DLG2: variants seen among roughly 807,000 people sequenced by gnomAD.
DLG2 encodes disks large homolog 2.
Under a neutral mutation model 132.5 loss-of-function variants are expected in DLG2, and 45 were observed. That is an observed-to-expected ratio of 0.34 (90% CI 0.27 to 0.44). DLG2 has a LOEUF of 0.44. Ranked by LOEUF, DLG2 falls within the 20% of genes least tolerant of loss-of-function variation. The probability of loss-of-function intolerance (pLI) is 1.00; values close to 1 mark genes in which losing one functional copy is unlikely to be tolerated. For synonymous variants in DLG2, 424 were observed against 419.6 expected (o/e 1.01, Z -0.13); for missense variants, 1,045 against 1,196.9 (o/e 0.87, Z 1.87).
intron 19 of DLG2, among the ~76,000 whole-genome samples, chr11:83,544,241 T>C (rs116983205): frequency 0.046 from 7,003 of 152,276 alleles, 174 homozygotes; most frequent in Middle Eastern, 0.071. Context: ...CATATCTTTT[T>C]GTGGTAATAA....
chr11:84,348,449 T>C (rs1255376584), intron 7 of DLG2, among the ~76,000 whole-genome samples: 2 of 152,198 alleles, frequency 1.3e-5, no homozygotes, highest in Non-Finnish European at 2.9e-5. Flanking sequence ...GGGATGTTTA[T>C]AGGTATGCTA....
intron 6 of DLG2, among the ~76,000 whole-genome samples, chr11:84,919,359 C>A (rs949902571): frequency 6.6e-6 from 1 of 152,124 alleles, no homozygotes; most frequent in Non-Finnish European, 1.5e-5. Context: ...CAAAGTAGTT[C>A]TTTTGAAATC....
chr11:84,769,106 C>T (rs940116798), intron 6 of DLG2, among the ~76,000 whole-genome samples: 3 of 152,188 alleles, frequency 2.0e-5, no homozygotes, highest in South Asian at 2.1e-4. Context: ...CACCACCAAA[C>T]GCTCCTATTA....
At chr11:85,604,794 T>C (rs1188406357) in intron 2 of DLG2, among the ~76,000 whole-genome samples, 1 of 152,224 alleles carries the variant, frequency 6.6e-6, no homozygotes, top group Non-Finnish European at 1.5e-5. Context: ...ATGTGTCTGT[T>C]AATTAAGGTT....
intron 6 of DLG2, among the ~76,000 whole-genome samples, chr11:84,703,938 G>A (rs2059512358): frequency 6.9e-6 from 1 of 144,658 alleles, no homozygotes; most frequent in East Asian, 2.0e-4. Context: ...GTATTTTAGG[G>A]TAATACATTC....
At chr11:85,209,088 T>C (rs929513902) in intron 4 of DLG2, among the ~76,000 whole-genome samples, 1 of 152,140 alleles carries the variant, frequency 6.6e-6, no homozygotes, top group Non-Finnish European at 1.5e-5. Flanking sequence ...TAGTCCTAAA[T>C]CTGCCACTAA....
Position 85,005,773 on chromosome 11 carries a change from A to G in DLG2, c.357+105888T>C, listed in dbSNP as rs575170018. ...AACTTCCAATACTATGTTGAATAGG[A>G]GTGGTGAGAGTGGGCATTCCTTGTC... On this transcript the variant is annotated intron_variant, in intron 6 of 27. Coordinates refer to ENST00000376104, the MANE Select transcript of DLG2 (RefSeq NM_001142699.3). Among the ~76,000 whole-genome samples, 6 of 152,220 alleles carry G rather than the reference A, an allele frequency of 3.9e-5. No homozygotes were observed. In the East Asian group the frequency reaches 1.2e-3, roughly 29 times the overall value.
chr11:85,059,594 G>T (rs987391649), intron 6 of DLG2, among the ~76,000 whole-genome samples: 99 of 151,764 alleles, frequency 6.5e-4, no homozygotes, highest in African/African-American at 2.2e-3. Flanking sequence ...TGCAATAACA[G>T]TTTCCAAAAG....
At chr11:84,035,715 C>G (rs1159157651) in intron 11 of DLG2, among the ~76,000 whole-genome samples, 1 of 151,894 alleles carries the variant, frequency 6.6e-6, no homozygotes, top group South Asian at 2.1e-4. Flanking sequence ...AAATATTACT[C>G]AAGCTGTTGT....
intron 3 of DLG2, among the ~76,000 whole-genome samples, chr11:85,444,043 T>C (rs1260640427): frequency 1.2e-4 from 18 of 152,218 alleles, no homozygotes. Context: ...AGTATGATTT[T>C]ATGTAGAACC....
chr11:83,507,572 C>CTATAGATATCTA (rs1266013628), intron 21 of DLG2, among the ~76,000 whole-genome samples: 2 of 140,946 alleles, frequency 1.4e-5, no homozygotes, highest in Admixed American at 7.3e-5. Context: ...TATATATATC[C>CTATAGATATCTA]TATAGATATC....
intron 6 of DLG2, among the ~76,000 whole-genome samples, chr11:85,045,968 G>C (rs139468364): frequency 3.2e-4 from 49 of 152,174 alleles, no homozygotes; most frequent in African/African-American, 1.1e-3. Flanking sequence ...AATGATGCCA[G>C]TGAAAAGCTT....
At chr11:85,045,999 A>G (rs182555063) in intron 6 of DLG2, among the ~76,000 whole-genome samples, 133 of 152,050 alleles carry the variant, frequency 8.7e-4, no homozygotes, top group African/African-American at 3.0e-3. Context: ...TAGGCCTACA[A>G]TTTTGCTTCT....
intron 6 of DLG2, among the ~76,000 whole-genome samples, chr11:84,637,120 C>A (rs1378722553): frequency 1.3e-5 from 2 of 152,144 alleles, no homozygotes; most frequent in East Asian, 3.9e-4. Context: ...GGTTAACAGA[C>A]CATTATGTGA....
intron 8 of DLG2, among the ~76,000 whole-genome samples, chr11:84,242,993 TTCTC>T (rs145284405): frequency 7.2e-5 from 9 of 125,098 alleles, no homozygotes; most frequent in South Asian, 5.7e-4. Context: ...ATTAATTAGG[TTCTC>T]TCTCTCTCTC....
chr11:84,077,768 T>C (rs2096849206), intron 10 of DLG2, among the ~76,000 whole-genome samples: 1 of 152,200 alleles, frequency 6.6e-6, no homozygotes. Context: ...CAATATCTTC[T>C]TGAGCAGTTA....
intron 6 of DLG2, among the ~76,000 whole-genome samples, chr11:84,654,447 G>A (rs1272183358): frequency 6.6e-6 from 1 of 152,164 alleles, no homozygotes; most frequent in Non-Finnish European, 1.5e-5. Context: ...AACTATGCCA[G>A]TCTTTGATCC....
At chr11:85,377,904 T>C (rs547718709) in intron 3 of DLG2, among the ~76,000 whole-genome samples, 7 of 151,030 alleles carry the variant, frequency 4.6e-5, no homozygotes, top group Non-Finnish European at 1.0e-4. Context: ...CACACATACA[T>C]ATATATATAC....
intron 8 of DLG2, among the ~76,000 whole-genome samples, chr11:84,248,428 A>G (rs907087159): frequency 3.3e-5 from 5 of 152,148 alleles, no homozygotes; most frequent in Non-Finnish European, 5.9e-5. Context: ...ATTTAGGTGC[A>G]TAGAGATTAA....
Sources: allele counts gnomAD v4.1 joint callset (sites outside exome capture counted in the v4.1 genomes callset), GRCh38; gene constraint gnomAD v4.1.1; transcripts MANE v1.5; gene names NCBI Gene and HGNC (gene_info 2026-07-23, HGNC 2026-07-21).